The following NPR3 variants were observed in gnomAD, a reference collection of about 807,000 sequenced individuals.
The protein encoded by NPR3 is atrial natriuretic peptide receptor 3.
Under a neutral mutation model 54.5 loss-of-function variants are expected in NPR3, and 34 were observed. That is an observed-to-expected ratio of 0.62 (90% CI 0.47 to 0.83). NPR3 has a LOEUF of 0.83. NPR3 is among the 40% of genes least tolerant of loss of function. The probability of loss-of-function intolerance (pLI) is 0.00; values close to 1 mark genes in which losing one functional copy is unlikely to be tolerated. For missense variants in NPR3, 674 were observed against 720.8 expected, an observed-to-expected ratio of 0.94 and a Z score of 0.74; for synonymous variants, 289 against 297.1, an observed-to-expected ratio of 0.97 and a Z score of 0.28.
chr5:32,738,524 T>C (rs1739870283), intron 2 of NPR3, among the ~76,000 whole-genome samples: 1 of 152,170 alleles, frequency 6.6e-6, no homozygotes, highest in Non-Finnish European at 1.5e-5. Context: ...AAAAGAAGTA[T>C]GAATGGCAAG....
At chr5:32,703,077 A>G (rs565717165) in intron 1 of NPR3, among the ~76,000 whole-genome samples, 4 of 152,256 alleles carry the variant, frequency 2.6e-5, no homozygotes, top group African/African-American at 9.6e-5. Context: ...CCTTTTCATA[A>G]GCAAAGGAAT....
At chr5:32,778,323 A>C (rs1183162575) in intron 4 of NPR3, among the ~76,000 whole-genome samples, 1 of 152,184 alleles carries the variant, frequency 6.6e-6, no homozygotes, top group Non-Finnish European at 1.5e-5. Flanking sequence ...TTTGCTAAAC[A>C]ATGGTCCATT....
At chr5:32,710,858 G>GTTTTTTTTTTTTT (rs1561072778), upstream of NPR3, 16 of 1,047,776 alleles carry the variant, frequency 1.5e-5, no homozygotes, top group African/African-American at 2.6e-4. Flanking sequence ...CCCCAGTCCT[G>GTTTTTTTTTTTTT]GTTTTTTTTT....
At chr5:32,739,165 C>A in intron 3 of NPR3, 135 bp downstream of exon 3, 1 of 707,500 alleles carries the variant, frequency 1.4e-6, no homozygotes, top group Non-Finnish European at 2.2e-6. Context: ...CTGTTGCCTT[C>A]TGTGTGTGTG....
At chr5:32,772,573 C>T (rs1033395890) in intron 3 of NPR3, among the ~76,000 whole-genome samples, 2 of 152,188 alleles carry the variant, frequency 1.3e-5, no homozygotes, top group African/African-American at 4.8e-5. Flanking sequence ...GAACAGTAGG[C>T]TTCTCTCCTA....
At chr5:32,785,441 G>A (rs1742568662) in intron 7 of NPR3, among the ~76,000 whole-genome samples, 1 of 152,120 alleles carries the variant, frequency 6.6e-6, no homozygotes, top group Non-Finnish European at 1.5e-5. Context: ...GTGAGCCACT[G>A]TGTCTAGCCC....
intron 3 of NPR3, among the ~76,000 whole-genome samples, chr5:32,765,304 A>G (rs1417513169): frequency 6.6e-6 from 1 of 152,228 alleles, no homozygotes; most frequent in Non-Finnish European, 1.5e-5. Context: ...TAGACATATA[A>G]TCAATTAATT....
chr5:32,740,269 G>A (rs535435866), intron 3 of NPR3, among the ~76,000 whole-genome samples: 4 of 152,252 alleles, frequency 2.6e-5, no homozygotes, highest in Admixed American at 6.5e-5. Context: ...CAGTTTCCCC[G>A]ATTCAAATTA....
At chr5:32,726,691 A>G (rs1739151620) in intron 2 of NPR3, among the ~76,000 whole-genome samples, 1 of 152,258 alleles carries the variant, frequency 6.6e-6, no homozygotes. Context: ...TTATCCACAG[A>G]TAAAGCTTTT....
upstream of NPR3, among the ~76,000 whole-genome samples, chr5:32,711,069 C>G (rs961953854): frequency 1.2e-4 from 18 of 152,168 alleles, no homozygotes; most frequent in African/African-American, 4.3e-4. Context: ...GCGATTTCAG[C>G]TTTAAGGAAA....
In NPR3 at chr5:32,711,872, C is replaced by A; in HGVS notation, c.96C>A (p.Gly32=). ...GGTGGGGVGG[G]GGGAGIGGGR... ...CCGGTGGCGGTGGCGTTGGCGGCGGCGGCGGTGGCGCGGGCATAGGCGGCG... is the reference window on the plus strand; with the variant it reads ...CCGGTGGCGGTGGCGTTGGCGGCGGAGGCGGTGGCGCGGGCATAGGCGGCG... The change falls in exon 1 of 8, where the codon GGC becomes GGA. Residue 32 remains glycine, a synonymous_variant. Transcript: ENST00000265074. The A allele has an allele frequency of 6.8e-7, 1 of 1,463,692 alleles. No homozygotes were observed. The highest frequency in any genetic ancestry group is 2.8e-5 in the Admixed American group (1 of 35,332). The allele number at this position is 1,463,692 out of a possible 1,614,324, so 90.7% of individuals were successfully genotyped here.
intron 2 of NPR3, among the ~76,000 whole-genome samples, chr5:32,733,860 C>G (rs1273888021): frequency 1.3e-5 from 2 of 152,126 alleles, no homozygotes; most frequent in African/African-American, 4.8e-5. Context: ...AATCTTAGAA[C>G]ACCCAAACTC....
At chr5:32,718,356 G>GT (rs1323074340) in intron 1 of NPR3, among the ~76,000 whole-genome samples, 5 of 152,200 alleles carry the variant, frequency 3.3e-5, no homozygotes, top group East Asian at 1.9e-4. Context: ...CTTTAAAGTA[G>GT]TTTTTTCCAA....
rs1467109392 is a variant in NPR3, at chr5:32,790,803, T to C, written c.*4458T>C. 3.0e-5 allele frequency: 5 copies of C among 167,048 alleles called. No homozygotes were observed. The highest frequency in any genetic ancestry group is 5.9e-5 in the Non-Finnish European group (4 of 68,116). 10.3% of individuals were successfully genotyped at this position (167,048 alleles called of 1,614,324 possible). ...TTCAAACACAATGGAAGTGTTTCAA[T>C]GGGAGCCAGATCTCATGAGTAAAAA... On this transcript the variant is annotated 3_prime_UTR_variant, in exon 8 of 8. Transcript: ENST00000265074.
upstream of NPR3, among the ~76,000 whole-genome samples, chr5:32,706,303 T>C (rs1016508568): frequency 6.6e-6 from 1 of 152,170 alleles, no homozygotes; most frequent in African/African-American, 2.4e-5. Context: ...ATTAAACAAC[T>C]TTTCTTTATA....
At chr5:32,757,915 G>A (rs577499792) in intron 3 of NPR3, among the ~76,000 whole-genome samples, 53 of 152,260 alleles carry the variant, frequency 3.5e-4, no homozygotes, top group Middle Eastern at 3.4e-3. Context: ...ATTGATTTGC[G>A]TATGTTGAAC....
At chr5:32,714,402 T>A (rs563991113) in intron 1 of NPR3, among the ~76,000 whole-genome samples, 1 of 141,842 alleles carries the variant, frequency 7.1e-6, no homozygotes, top group African/African-American at 2.6e-5. Flanking sequence ...CTGGTGGGCC[T>A]GGGGACTGGT....
chr5:32,771,266 C>T (rs911569842), intron 3 of NPR3, among the ~76,000 whole-genome samples: 1 of 152,124 alleles, frequency 6.6e-6, no homozygotes, highest in Admixed American at 6.5e-5. Flanking sequence ...TGCCAGCAAA[C>T]CTCAGCAGGG....
chr5:32,738,871 CTCATGGAAGA>C lies in NPR3; in HGVS notation c.901_910del (p.Ser301GlufsTer22), dbSNP rs774374672. On this transcript the variant is annotated frameshift_variant, in exon 3 of 8. Coordinates refer to ENST00000265074, the MANE Select transcript of NPR3 (RefSeq NM_001204375.2). LOFTEE classifies it high-confidence loss of function. ...TTTTTATTTCTTCCATAGGAGATGG[CTCATGGAAGA>C]GAGGAGACAAACACGACTTTGAAGC... 7 of 1,612,966 alleles carry C rather than the reference CTCATGGAAGA, an allele frequency of 4.3e-6. No individual in the cohort carries two copies.
Sources: gnomAD v4.1 joint callset for allele counts (sites outside exome capture counted in the v4.1 genomes callset) on GRCh38, gnomAD v4.1.1 for gene constraint, MANE v1.5 for transcripts, NCBI Gene and HGNC (gene_info 2026-07-23, HGNC 2026-07-21) for gene names.